Variants in HPSE2 observed in about 807,000 individuals in gnomAD.
HPSE2 encodes heparanase 2 (inactive), also known as inactive heparanase-2.
A neutral mutation model predicts 60.5 loss-of-function variants in HPSE2; 38 were observed. The ratio of observed to expected loss-of-function variants is 0.63; its 90% CI spans 0.48 to 0.82. HPSE2 has a LOEUF of 0.82. HPSE2 is among the 40% of genes least tolerant of loss of function. HPSE2 has a pLI of 0.00. For synonymous variants in HPSE2, 295 were observed against 293.2 expected (o/e 1.01, Z -0.06); for missense variants, 713 against 740.4 (o/e 0.96, Z 0.43).
intron 3 of HPSE2, among the ~76,000 whole-genome samples, chr10:99,071,926 A>G (rs571378139): frequency 1.1e-4 from 16 of 151,868 alleles, no homozygotes; most frequent in Non-Finnish European, 1.8e-4. Flanking sequence ...TTCCATTGGT[A>G]TATGTCTGTC....
At chr10:98,708,511 T>C (rs746601406) in intron 5 of HPSE2, among the ~76,000 whole-genome samples, 65 of 151,602 alleles carry the variant, frequency 4.3e-4, no homozygotes, top group Non-Finnish European at 6.6e-4. Flanking sequence ...AATTATATTA[T>C]TTTTTAACCG....
chr10:98,892,096 G>A (rs968988819), intron 3 of HPSE2, among the ~76,000 whole-genome samples: 2 of 152,188 alleles, frequency 1.3e-5, no homozygotes, highest in Non-Finnish European at 2.9e-5. Flanking sequence ...CTGAGAGTAT[G>A]GGGACATTAT....
At chr10:98,689,071 T>G (rs1948006634) in intron 6 of HPSE2, among the ~76,000 whole-genome samples, 1 of 152,110 alleles carries the variant, frequency 6.6e-6, no homozygotes, top group Non-Finnish European at 1.5e-5. Context: ...CCAGATAAAA[T>G]TTTCTTTGTA....
intron 11 of HPSE2, among the ~76,000 whole-genome samples, chr10:98,475,557 A>T (rs1277716783): frequency 1.3e-5 from 2 of 148,612 alleles, no homozygotes; most frequent in Non-Finnish European, 3.0e-5. Flanking sequence ...TTTCCTTGGG[A>T]AGCCTCCCTT....
rs921391755 is a variant in HPSE2, at chr10:98,842,070, T to C, written c.611-98014A>G. Among the ~76,000 whole-genome samples, 4 of 152,170 alleles carry C rather than the reference T, an allele frequency of 2.6e-5. No individual in the cohort carries two copies. The South Asian group carries it at 8.3e-4, about 32-fold the overall frequency. On this transcript the variant is annotated intron_variant, in intron 3 of 11. Transcript: ENST00000370552. The stretch of plus-strand genomic sequence containing the variant: ...ATCCGCCTGCCTCAGCCTCCCAAAG[T>C]GCAGGGATTACAGGCGTGCCACCGC...
intron 3 of HPSE2, among the ~76,000 whole-genome samples, chr10:98,994,838 G>A (rs753441920): frequency 9.2e-5 from 14 of 152,084 alleles, no homozygotes; most frequent in Non-Finnish European, 1.5e-4. Flanking sequence ...AGGATAACCT[G>A]GTTTCCCTGT....
the HPSE2 span, among the ~76,000 whole-genome samples, chr10:99,291,492 G>A: frequency 3.3e-5 from 5 of 150,994 alleles, no homozygotes; most frequent in Non-Finnish European, 7.4e-5. Context: ...ACTGAGGCAG[G>A]AGAATCACTT....
chr10:99,151,365 G>A (rs1846256268), intron 2 of HPSE2, among the ~76,000 whole-genome samples: 1 of 152,060 alleles, frequency 6.6e-6, no homozygotes, highest in African/African-American at 2.4e-5. Flanking sequence ...ACAACATGAA[G>A]CAATCAAACA....
intron 9 of HPSE2, among the ~76,000 whole-genome samples, chr10:98,533,092 T>A (rs1329611898): frequency 3.3e-5 from 5 of 152,220 alleles, no homozygotes; most frequent in African/African-American, 1.2e-4. Flanking sequence ...TCCCTTCTAA[T>A]GCCAATGTTC....
intron 3 of HPSE2, among the ~76,000 whole-genome samples, chr10:98,820,682 G>A (rs1951403373): frequency 6.6e-6 from 1 of 152,018 alleles, no homozygotes; most frequent in Non-Finnish European, 1.5e-5. Context: ...ATGTGTTGGG[G>A]GTTCTTTACC....
At chr10:99,285,299 G>T in the HPSE2 span, among the ~76,000 whole-genome samples, 1 of 151,248 alleles carries the variant, frequency 6.6e-6, no homozygotes, top group African/African-American at 2.4e-5. Context: ...TGGGCAGAGT[G>T]GTACATGCCT....
intron 11 of HPSE2, among the ~76,000 whole-genome samples, chr10:98,480,092 C>CCT (rs1564907607): frequency 3.4e-5 from 4 of 116,254 alleles, no homozygotes; most frequent in African/African-American, 1.7e-4. Flanking sequence ...CCCTCTCCTA[C>CCT]ATTTTTTTTT....
intron 3 of HPSE2, among the ~76,000 whole-genome samples, chr10:98,905,602 C>T (rs769300607): frequency 1.3e-5 from 2 of 152,150 alleles, no homozygotes; most frequent in Non-Finnish European, 2.9e-5. Context: ...TCAGTGACCC[C>T]TGCTCCCAGA....
intron 3 of HPSE2, among the ~76,000 whole-genome samples, chr10:98,933,303 A>G (rs2073038344): frequency 6.9e-6 from 1 of 144,072 alleles, no homozygotes; most frequent in African/African-American, 2.8e-5. Context: ...TTGAGTTTTA[A>G]TTTGACTGCA....
At chr10:99,303,197 A>G in the HPSE2 span, among the ~76,000 whole-genome samples, 1 of 152,184 alleles carries the variant, frequency 6.6e-6, no homozygotes, top group Non-Finnish European at 1.5e-5. Flanking sequence ...TAACAAGGAT[A>G]TTAGCAAAGT....
chr10:99,172,608 T>C (rs1301343123), intron 2 of HPSE2, among the ~76,000 whole-genome samples: 1 of 152,188 alleles, frequency 6.6e-6, no homozygotes, highest in Non-Finnish European at 1.5e-5. Flanking sequence ...TAAGTACTTA[T>C]AATCTGTATA....
intron 3 of HPSE2, among the ~76,000 whole-genome samples, chr10:98,768,425 T>C (rs1205663320): frequency 1.3e-5 from 2 of 152,152 alleles, no homozygotes; most frequent in Admixed American, 6.5e-5. Flanking sequence ...TGATTTGTTT[T>C]TGTCAGTTTA....
intron 7 of HPSE2, among the ~76,000 whole-genome samples, chr10:98,637,518 G>C (rs182579682): frequency 3.4e-3 from 511 of 152,282 alleles, no homozygotes; most frequent in African/African-American, 0.012. Flanking sequence ...TACCTAAGAG[G>C]GAGGGAGAAT....
At chr10:98,882,842 G>A (rs1192091405) in intron 3 of HPSE2, among the ~76,000 whole-genome samples, 1 of 152,022 alleles carries the variant, frequency 6.6e-6, no homozygotes, top group East Asian at 1.9e-4. Context: ...ACAATACTAT[G>A]GAATAAACAC....
Sources: gnomAD v4.1 joint callset for allele counts (sites outside exome capture counted in the v4.1 genomes callset) on GRCh38, gnomAD v4.1.1 for gene constraint, MANE v1.5 for transcripts, NCBI Gene and HGNC (gene_info 2026-07-23, HGNC 2026-07-21) for gene names.